Variants in PLD5 observed in about 807,000 individuals in gnomAD.
PLD5 encodes the protein phospholipase D family member 5.
Under a neutral mutation model 61.1 loss-of-function variants are expected in PLD5, and 36 were observed. That is an observed-to-expected ratio of 0.59 (90% CI 0.45 to 0.78). PLD5 has a LOEUF of 0.78. Among genes scored for constraint, PLD5 ranks in the 30% least tolerant of loss-of-function variants. The pLI is 0.00. For synonymous variants in PLD5, 243 were observed against 242.8 expected, an observed-to-expected ratio of 1.00 and a Z score of -0.01; for missense variants, 515 against 644.4, an observed-to-expected ratio of 0.80 and a Z score of 2.17.
At chr1:242,177,641 T>C (rs1667249229) in intron 5 of PLD5, 1 of 152,146 alleles carries the variant, frequency 6.6e-6, no homozygotes, top group African/African-American at 2.4e-5. Flanking sequence ...CAGGTCAACC[T>C]AATTGTTTTT....
intron 5 of PLD5, among the ~76,000 whole-genome samples, chr1:242,211,694 C>T (rs1486357121): frequency 6.6e-6 from 1 of 152,072 alleles, no homozygotes; most frequent in East Asian, 1.9e-4. Context: ...ATGAGGAACG[C>T]TACAAAAGGA....
intron 6 of PLD5, among the ~76,000 whole-genome samples, chr1:242,119,326 C>T (rs1364823279): frequency 6.6e-6 from 1 of 151,764 alleles, no homozygotes; most frequent in African/African-American, 2.4e-5. Context: ...AAAAGACAAC[C>T]CATGGAATGA....
intron 4 of PLD5, among the ~76,000 whole-genome samples, chr1:242,222,112 C>G (rs1002877547): frequency 1.3e-5 from 2 of 152,094 alleles, no homozygotes; most frequent in African/African-American, 2.4e-5. Flanking sequence ...CTCTGTTGTC[C>G]CATGGCATCT....
intron 9 of PLD5, among the ~76,000 whole-genome samples, chr1:242,090,702 G>A (rs985013685): frequency 1.3e-5 from 2 of 152,172 alleles, no homozygotes; most frequent in Admixed American, 1.3e-4. Context: ...GTGTTATGTG[G>A]TGTATTCGTG....
At chr1:242,393,858 G>A (rs961985946) in intron 1 of PLD5, among the ~76,000 whole-genome samples, 4 of 146,914 alleles carry the variant, frequency 2.7e-5, no homozygotes, top group South Asian at 2.2e-4. Flanking sequence ...TCAGGAGTTC[G>A]AGACCAGCCT....
intron 5 of PLD5, among the ~76,000 whole-genome samples, chr1:242,188,207 G>A (rs1295506651): frequency 6.6e-6 from 1 of 152,156 alleles, no homozygotes; most frequent in Non-Finnish European, 1.5e-5. Flanking sequence ...GCAAGAGGGA[G>A]GGCGGGAGAG....
chr1:242,227,584 G>A (rs964666316), intron 4 of PLD5, among the ~76,000 whole-genome samples: 5 of 152,090 alleles, frequency 3.3e-5, no homozygotes, highest in Non-Finnish European at 7.4e-5. Context: ...GGCTGGTCTC[G>A]AACTCCTGAG....
At chr1:242,509,868 T>C (rs551405273) in intron 1 of PLD5, among the ~76,000 whole-genome samples, 57 of 152,238 alleles carry the variant, frequency 3.7e-4, no homozygotes, top group Admixed American at 2.1e-3. Context: ...GGCTGATCAG[T>C]GTGGAGAAAA....
chr1:242,290,865 A>C (rs1176847019), intron 2 of PLD5, among the ~76,000 whole-genome samples: 1 of 151,530 alleles, frequency 6.6e-6, no homozygotes, highest in Non-Finnish European at 1.5e-5. Context: ...TCTCCAAATC[A>C]TTTTCCCTAC....
chr1:242,215,953 A>G (rs1421034157), intron 5 of PLD5, among the ~76,000 whole-genome samples: 1 of 152,132 alleles, frequency 6.6e-6, no homozygotes, highest in African/African-American at 2.4e-5. Context: ...TTTCAGATTT[A>G]TCTGAAAATC....
intron 1 of PLD5, among the ~76,000 whole-genome samples, chr1:242,483,926 C>T (rs926321209): frequency 1.3e-5 from 2 of 151,792 alleles, no homozygotes; most frequent in African/African-American, 4.9e-5. Flanking sequence ...CACTCAACTA[C>T]ATGGAAACTG....
chr1:242,307,715 T>C (rs2919018), intron 2 of PLD5, among the ~76,000 whole-genome samples: 147,298 of 152,180 alleles, frequency 0.97, 71,401 homozygotes, highest in Non-Finnish European at 1. Flanking sequence ...TGAATGCTAA[T>C]AGAAATAAAC....
At chr1:242,340,616 G>A (rs1010063431) in intron 2 of PLD5, among the ~76,000 whole-genome samples, 4 of 151,986 alleles carry the variant, frequency 2.6e-5, no homozygotes, top group African/African-American at 7.2e-5. Context: ...TGTATCAAAG[G>A]TACTCACATT....
At chr1:242,514,745 T>C (rs1020695694) in intron 1 of PLD5, among the ~76,000 whole-genome samples, 3 of 152,136 alleles carry the variant, frequency 2.0e-5, no homozygotes, top group African/African-American at 7.2e-5. Flanking sequence ...TACAGTGTCT[T>C]ATGTGCAATG....
chr1:242,136,484 G>A lies in PLD5; in HGVS notation c.736-11819C>T, dbSNP rs540823165. ...GAGCAGCTGCTCAAGGTGTTCCAAC[G>A]TCGTTTGAGAAATTGATATTCTAAC... On this transcript the variant is annotated intron_variant, in intron 5 of 9. Coordinates refer to ENST00000536534, the MANE Select transcript of PLD5 (RefSeq NM_001372062.1). Among the ~76,000 whole-genome samples the A allele has an allele frequency of 1.1e-4, 17 of 152,222 alleles. No homozygotes were observed. The South Asian group carries it at 1.5e-3, about 13-fold the overall frequency.
chr1:242,183,792 GT>G (rs60246988), intron 5 of PLD5, among the ~76,000 whole-genome samples: 66,864 of 151,626 alleles, frequency 0.44, 16,066 homozygotes, highest in African/African-American at 0.64. Context: ...TACTGGGGAG[GT>G]CTGAGGCAGT....
At chr1:242,382,843 T>C (rs973638704) in intron 1 of PLD5, among the ~76,000 whole-genome samples, 2 of 152,218 alleles carry the variant, frequency 1.3e-5, no homozygotes, top group Non-Finnish European at 2.9e-5. Flanking sequence ...TCAAAATAAA[T>C]ATTGATGGTT....
chr1:242,452,261 GAGGA>G (rs1374775195), intron 1 of PLD5, among the ~76,000 whole-genome samples: 1 of 152,114 alleles, frequency 6.6e-6, no homozygotes, highest in East Asian at 1.9e-4. Flanking sequence ...AAGGGACTAG[GAGGA>G]AGGATTTCTG....
chr1:242,496,472 C>T (rs949146395), intron 1 of PLD5, among the ~76,000 whole-genome samples: 1 of 152,194 alleles, frequency 6.6e-6, no homozygotes, highest in East Asian at 1.9e-4. Flanking sequence ...TATCAAACAT[C>T]ACTTGATTAT....
Sources: gnomAD v4.1 joint callset for allele counts (sites outside exome capture counted in the v4.1 genomes callset) on GRCh38, gnomAD v4.1.1 for gene constraint, MANE v1.5 for transcripts, NCBI Gene and HGNC (gene_info 2026-07-23, HGNC 2026-07-21) for gene names.